STX8: variants seen among roughly 807,000 people sequenced by gnomAD.
The protein encoded by STX8 is syntaxin 8, also known as syntaxin-8.
A neutral mutation model predicts 37.5 loss-of-function variants in STX8; 23 were observed. That is an observed-to-expected ratio of 0.61 (90% confidence interval 0.44 to 0.87). The LOEUF (loss-of-function observed/expected upper bound fraction) is 0.87. STX8 is among the 40% of genes least tolerant of loss of function. STX8 has a pLI of 0.00. For synonymous variants in STX8, 115 were observed against 99.1 expected, an observed-to-expected ratio of 1.16 and a Z score of -0.95; for missense variants, 313 against 284.7, an observed-to-expected ratio of 1.10 and a Z score of -0.71.
chr17:9,552,318 G>T (rs1906796458), intron 3 of STX8, among the ~76,000 whole-genome samples: 1 of 152,142 alleles, frequency 6.6e-6, no homozygotes, highest in African/African-American at 2.4e-5. Flanking sequence ...CCCCATCCTA[G>T]GCAACACAGT....
chr17:9,391,075 C>T (rs1207561695), intron 6 of STX8, among the ~76,000 whole-genome samples: 2 of 152,006 alleles, frequency 1.3e-5, no homozygotes, highest in Non-Finnish European at 2.9e-5. Context: ...AGGAAAACAA[C>T]CTACACAGAA....
chr17:9,416,441 T>C, intron 6 of STX8, among the ~76,000 whole-genome samples: 1 of 152,028 alleles, frequency 6.6e-6, no homozygotes. Context: ...ACGATCTCAG[T>C]TCACTGAAAC....
intron 6 of STX8, among the ~76,000 whole-genome samples, chr17:9,435,783 G>C (rs1422382214): frequency 5.3e-5 from 8 of 151,972 alleles, no homozygotes; most frequent in Non-Finnish European, 1.0e-4. Flanking sequence ...ATTTTCAAAG[G>C]TTTAAGTATA....
chr17:9,575,771 C>T (rs1356344911), intron 1 of STX8, 21 bp downstream of exon 1: 1 of 1,546,448 alleles, frequency 6.5e-7, no homozygotes, highest in South Asian at 1.2e-5. Flanking sequence ...CCACGCACCG[C>T]CGCCCTCACC....
At chr17:9,470,515 G>T (rs145158576) in intron 6 of STX8, among the ~76,000 whole-genome samples, 1 of 152,204 alleles carries the variant, frequency 6.6e-6, no homozygotes, top group Non-Finnish European at 1.5e-5. Context: ...AATAATGAAT[G>T]AAACTGTGAA....
At chr17:9,557,230 G>A (rs748721231) in intron 3 of STX8, 2 of 508,552 alleles carry the variant, frequency 3.9e-6, no homozygotes, top group Non-Finnish European at 7.1e-6. Flanking sequence ...TAATTCCCTC[G>A]GTAGGTCTTG....
intron 3 of STX8, among the ~76,000 whole-genome samples, chr17:9,550,748 G>C (rs978335221): frequency 6.6e-6 from 1 of 152,108 alleles, no homozygotes; most frequent in African/African-American, 2.4e-5. Context: ...TCCCACTCCA[G>C]CTCCTGGATT....
At chr17:9,564,240 G>A (rs80052649) in intron 2 of STX8, among the ~76,000 whole-genome samples, 8,968 of 151,586 alleles carry the variant, frequency 0.059, 404 homozygotes, top group African/African-American at 0.13. Flanking sequence ...GTCCTGACCA[G>A]GGCAGTTAGG....
chr17:9,452,125 T>A (rs1051482719), intron 6 of STX8: 1 of 152,132 alleles, frequency 6.6e-6, no homozygotes, highest in Non-Finnish European at 1.5e-5. Context: ...ACTTAGTAAC[T>A]ATAACTTAAT....
chr17:9,486,730 C>T (rs964263276), intron 6 of STX8, among the ~76,000 whole-genome samples: 4 of 151,750 alleles, frequency 2.6e-5, no homozygotes, highest in South Asian at 4.2e-4. Context: ...GCTATGGTGC[C>T]GGCCTGTAGT....
intron 4 of STX8, among the ~76,000 whole-genome samples, chr17:9,518,080 A>T (rs1905208360): frequency 6.6e-6 from 1 of 152,040 alleles, no homozygotes; most frequent in African/African-American, 2.4e-5. Flanking sequence ...TCATAATTTT[A>T]ACTTTCTACT....
chr17:9,546,590 G>GTTTTTTTTTTTTTT lies in STX8; in HGVS notation c.213-1309_213-1308insAAAAAAAAAAAAAA, dbSNP rs745424722. 5.9e-4 allele frequency among the ~76,000 whole-genome samples: 37 copies of GTTTTTTTTTTTTTT among 62,228 alleles called. 1 individual carries two copies. Among genetic ancestry groups the GTTTTTTTTTTTTTT allele is most frequent in the African/African-American group, 1.9e-3 (32 of 17,094 alleles). 40.8% of individuals were successfully genotyped at this position (62,228 alleles called of 152,430 possible). On this transcript the variant is annotated intron_variant, in intron 3 of 7. Transcript: ENST00000306357. ...CTTTCTTGATGCAAACTACAAAAGT[G>GTTTTTTTTTTTTTT]GTTTTTTTTTTTTTTTTTTTTTTTT...
intron 5 of STX8, among the ~76,000 whole-genome samples, chr17:9,499,770 C>T (rs1273424875): frequency 6.6e-6 from 1 of 152,164 alleles, no homozygotes; most frequent in Non-Finnish European, 1.5e-5. Context: ...GCTGCCGCTC[C>T]CCGCAAACTC....
intron 6 of STX8, among the ~76,000 whole-genome samples, chr17:9,488,372 AGAT>A (rs1205051217): frequency 6.6e-6 from 1 of 152,082 alleles, no homozygotes; most frequent in African/African-American, 2.4e-5. Context: ...GGCTCCCTAA[AGAT>A]GTCCAGCTCG....
chr17:9,378,753 T>A, intron 6 of STX8, 100 bp from the exon 7 acceptor site: 1 of 863,378 alleles, frequency 1.2e-6, no homozygotes. Flanking sequence ...TGATCTCGAG[T>A]GCAGTAACTG....
intron 4 of STX8, among the ~76,000 whole-genome samples, chr17:9,520,471 A>T (rs1905302405): frequency 6.6e-6 from 1 of 152,198 alleles, no homozygotes; most frequent in South Asian, 2.1e-4. Context: ...ACAGACTTGA[A>T]TTTTTTTAAT....
intron 5 of STX8, among the ~76,000 whole-genome samples, chr17:9,499,299 T>C (rs1181403189): frequency 6.6e-6 from 1 of 152,224 alleles, no homozygotes; most frequent in Non-Finnish European, 1.5e-5. Context: ...GTCAAGATTC[T>C]TGAGGCAGAG....
intron 6 of STX8, among the ~76,000 whole-genome samples, chr17:9,460,694 C>CAAAAAA (rs1402143119): frequency 0.012 from 1,677 of 139,196 alleles, 67 homozygotes; most frequent in African/African-American, 0.044. Flanking sequence ...AAAAACAAAA[C>CAAAAAA]AAAACTACTA....
intron 3 of STX8, 76 bp downstream of exon 3, chr17:9,557,358 A>G: frequency 7.6e-7 from 1 of 1,316,424 alleles, no homozygotes; most frequent in Non-Finnish European, 1.1e-6. Flanking sequence ...TGGGTGGCCC[A>G]GATTCCTTCC....
Sources: gnomAD v4.1 joint callset for allele counts (sites outside exome capture counted in the v4.1 genomes callset) on GRCh38, gnomAD v4.1.1 for gene constraint, MANE v1.5 for transcripts, NCBI Gene and HGNC (gene_info 2026-07-23, HGNC 2026-07-21) for gene names.